ST6GALNAC3: variants seen among roughly 807,000 people sequenced by gnomAD.
The protein encoded by ST6GALNAC3 is alpha-N-acetylgalactosaminide alpha-2,6-sialyltransferase 3.
ST6GALNAC3 carries 25 observed loss-of-function variants against 32.7 expected under a neutral mutation model. The observed-to-expected ratio is 0.76, with a 90% CI of 0.56 to 1.07. The LOEUF (loss-of-function observed/expected upper bound fraction) is 1.07, where lower values mean the gene tolerates loss of function less well. Among genes scored for constraint, ST6GALNAC3 ranks in the 50% least tolerant of loss-of-function variants. The probability of loss-of-function intolerance (pLI) is 0.00; values close to 1 mark genes in which losing one functional copy is unlikely to be tolerated. For missense variants in ST6GALNAC3, 355 were observed against 382.4 expected, an observed-to-expected ratio of 0.93 and a Z score of 0.60; for synonymous variants, 129 against 133.1, an observed-to-expected ratio of 0.97 and a Z score of 0.21.
chr1:76,607,369 CA>C, intron 3 of ST6GALNAC3, among the ~76,000 whole-genome samples: 1 of 152,218 alleles, frequency 6.6e-6, no homozygotes, highest in Middle Eastern at 3.4e-3. Context: ...TGGTTGAGCT[CA>C]ATCTTGAGCT....
At chr1:76,230,224 G>T (rs945471911) in intron 1 of ST6GALNAC3, among the ~76,000 whole-genome samples, 4 of 152,178 alleles carry the variant, frequency 2.6e-5, no homozygotes, top group South Asian at 2.1e-4. Flanking sequence ...ACATATAAGC[G>T]TTAAGATGAG....
chr1:76,503,294 C>A (rs1395279818), intron 3 of ST6GALNAC3, among the ~76,000 whole-genome samples: 2 of 152,258 alleles, frequency 1.3e-5, no homozygotes, highest in African/African-American at 2.4e-5. Context: ...TACAAACTTG[C>A]ATCCTGACTG....
At chr1:76,469,802 C>T (rs1355808345) in intron 3 of ST6GALNAC3, among the ~76,000 whole-genome samples, 1 of 152,068 alleles carries the variant, frequency 6.6e-6, no homozygotes, top group African/African-American at 2.4e-5. Flanking sequence ...TTTAAATGTT[C>T]TGATGGATAT....
chr1:76,251,693 A>G (rs1423440652), intron 1 of ST6GALNAC3, among the ~76,000 whole-genome samples: 1 of 152,120 alleles, frequency 6.6e-6, no homozygotes, highest in African/African-American at 2.4e-5. Flanking sequence ...TTCTTATCAT[A>G]CTTCTTTGTG....
chr1:76,532,384 T>C (rs1002583123), intron 3 of ST6GALNAC3, among the ~76,000 whole-genome samples: 12 of 152,220 alleles, frequency 7.9e-5, no homozygotes, highest in Non-Finnish European at 1.6e-4. Flanking sequence ...GAATACCGAA[T>C]GCCACTACGG....
chr1:76,608,668 T>G (rs2100658324), intron 3 of ST6GALNAC3, among the ~76,000 whole-genome samples: 1 of 150,692 alleles, frequency 6.6e-6, no homozygotes, highest in Admixed American at 6.6e-5. Context: ...TTCTTTTTCC[T>G]TCAGTGTTTG....
At chr1:76,454,337 A>C (rs919274200) in intron 3 of ST6GALNAC3, among the ~76,000 whole-genome samples, 2 of 151,928 alleles carry the variant, frequency 1.3e-5, no homozygotes, top group Admixed American at 1.3e-4. Flanking sequence ...TGTTGTCTGA[A>C]AATTTGGTGT....
At chr1:76,300,527 C>T (rs941894339) in intron 1 of ST6GALNAC3, among the ~76,000 whole-genome samples, 3 of 151,956 alleles carry the variant, frequency 2.0e-5, no homozygotes, top group Non-Finnish European at 2.9e-5. Flanking sequence ...GGTCAGACAG[C>T]TTGTAGACTT....
chr1:76,340,169 C>T (rs1023898327), intron 2 of ST6GALNAC3, among the ~76,000 whole-genome samples: 6 of 152,178 alleles, frequency 3.9e-5, no homozygotes, highest in African/African-American at 7.2e-5. Context: ...CATGGTCCCT[C>T]GGAGTGCATT....
intron 2 of ST6GALNAC3, among the ~76,000 whole-genome samples, chr1:76,377,086 T>C (rs914893460): frequency 2.0e-5 from 3 of 151,984 alleles, no homozygotes; most frequent in Admixed American, 6.6e-5. Context: ...TTAAAACAAA[T>C]AAAACTCACC....
chr1:76,548,381 C>T (rs902165018), intron 3 of ST6GALNAC3, among the ~76,000 whole-genome samples: 1 of 152,174 alleles, frequency 6.6e-6, no homozygotes, highest in Non-Finnish European at 1.5e-5. Flanking sequence ...CATAGTTCAG[C>T]TCTGGTACCA....
intron 1 of ST6GALNAC3, among the ~76,000 whole-genome samples, chr1:76,217,359 C>T (rs925535707): frequency 1.3e-5 from 2 of 152,190 alleles, no homozygotes; most frequent in Non-Finnish European, 2.9e-5. Context: ...GTATTTCTAA[C>T]ATGATGACAT....
chr1:76,483,612 TG>T (rs1423489468), intron 3 of ST6GALNAC3, among the ~76,000 whole-genome samples: 4 of 152,222 alleles, frequency 2.6e-5, no homozygotes, highest in African/African-American at 9.6e-5. Flanking sequence ...TTGTAGATTC[TG>T]GATATTAGCC....
chr1:76,256,591 T>C (rs1657932897), intron 1 of ST6GALNAC3, among the ~76,000 whole-genome samples: 1 of 151,912 alleles, frequency 6.6e-6, no homozygotes, highest in African/African-American at 2.4e-5. Context: ...TTCATGTGAT[T>C]AGATTAGAGG....
At chr1:76,549,007 G>A (rs1211945162) in intron 3 of ST6GALNAC3, among the ~76,000 whole-genome samples, 1 of 152,094 alleles carries the variant, frequency 6.6e-6, no homozygotes, top group Non-Finnish European at 1.5e-5. Flanking sequence ...GAGAAGAGAA[G>A]TTATTTCTGA....
intron 1 of ST6GALNAC3, among the ~76,000 whole-genome samples, chr1:76,206,437 C>A (rs1047674570): frequency 2.0e-5 from 3 of 152,154 alleles, no homozygotes; most frequent in African/African-American, 7.2e-5. Flanking sequence ...TAAATACATC[C>A]ACATCTTTCA....
intron 1 of ST6GALNAC3, among the ~76,000 whole-genome samples, chr1:76,145,432 A>T (rs1433107322): frequency 6.6e-6 from 1 of 152,118 alleles, no homozygotes; most frequent in African/African-American, 2.4e-5. Flanking sequence ...AGCTTGTTGG[A>T]CACGTGGAGT....
intron 3 of ST6GALNAC3, among the ~76,000 whole-genome samples, chr1:76,620,011 C>G (rs188978746): frequency 6.6e-6 from 1 of 152,194 alleles, no homozygotes; most frequent in African/African-American, 2.4e-5. Flanking sequence ...GGGGAATTAC[C>G]TCCTGAATAG....
chr1:76,535,665 G>A (rs1423309103), intron 3 of ST6GALNAC3, among the ~76,000 whole-genome samples: 1 of 152,168 alleles, frequency 6.6e-6, no homozygotes, highest in African/African-American at 2.4e-5. Flanking sequence ...ATATGAGGAT[G>A]CTATTTTTCC....
Sources: gnomAD v4.1 joint callset for allele counts (sites outside exome capture counted in the v4.1 genomes callset) on GRCh38, gnomAD v4.1.1 for gene constraint, MANE v1.5 for transcripts, NCBI Gene and HGNC (gene_info 2026-07-23, HGNC 2026-07-21) for gene names.